Variants in OVCH1 observed in about 807,000 individuals in gnomAD.
OVCH1 encodes ovochymase 1.
OVCH1 carries 139 observed loss-of-function variants against 138.4 expected under a neutral mutation model. The observed-to-expected ratio is 1.00, with a 90% CI of 0.87 to 1.16. The LOEUF is 1.16. Ranked by LOEUF, OVCH1 falls within the 50% of genes most tolerant of loss-of-function variation. The pLI is 0.00. For missense variants in OVCH1, 1,367 were observed against 1,357.9 expected, an observed-to-expected ratio of 1.01 and a Z score of -0.11; for synonymous variants, 453 against 467.8, an observed-to-expected ratio of 0.97 and a Z score of 0.41.
chr12:29,425,556 AAC>A (rs1941166902), downstream of OVCH1, among the ~76,000 whole-genome samples: 1 of 152,234 alleles, frequency 6.6e-6, no homozygotes, highest in South Asian at 2.1e-4. Flanking sequence ...AGTGGCCAAG[AAC>A]ACAGAGTGCT....
chr12:29,465,742 T>A (rs1293103691), intron 16 of OVCH1, among the ~76,000 whole-genome samples: 1 of 152,086 alleles, frequency 6.6e-6, no homozygotes, highest in Non-Finnish European at 1.5e-5. Context: ...CCTTGCCAAA[T>A]ATCACCAAAG....
downstream of OVCH1, among the ~76,000 whole-genome samples, chr12:29,411,462 G>C (rs1288783455): frequency 6.6e-6 from 1 of 151,850 alleles, no homozygotes; most frequent in Non-Finnish European, 1.5e-5. Context: ...TGATGATGGG[G>C]ATGTACAGAT....
At chr12:29,489,826 A>G in intron 5 of OVCH1, 55 bp from the exon 6 acceptor site, 1 of 1,534,976 alleles carries the variant, frequency 6.5e-7, no homozygotes. Flanking sequence ...AAACAAATTA[A>G]TGGGAAGTCT....
intron 16 of OVCH1, among the ~76,000 whole-genome samples, chr12:29,470,617 A>G (rs980734920): frequency 6.6e-5 from 10 of 152,154 alleles, no homozygotes; most frequent in African/African-American, 2.4e-4. Flanking sequence ...CCAATCTATC[A>G]TTGATGGGCG....
chr12:29,486,544 G>A (rs140822167), intron 7 of OVCH1, among the ~76,000 whole-genome samples, 196 bp from the exon 8 acceptor site: 1 of 152,298 alleles, frequency 6.6e-6, no homozygotes, highest in East Asian at 1.9e-4. Context: ...AGCAGGAATT[G>A]ATTTGATTTG....
intron 19 of OVCH1, among the ~76,000 whole-genome samples, chr12:29,460,699 G>A (rs886777134): frequency 1.3e-5 from 2 of 151,886 alleles, no homozygotes; most frequent in Non-Finnish European, 2.9e-5. Context: ...GCAGGATTAA[G>A]CATTAGGCCC....
intron 23 of OVCH1, among the ~76,000 whole-genome samples, chr12:29,444,947 C>G (rs1164439860): frequency 1.3e-5 from 2 of 151,944 alleles, no homozygotes; most frequent in Admixed American, 1.3e-4. Context: ...ATTTAGAACC[C>G]AAATCTTCTG....
At chr12:29,451,439 A>T in exon 22 of OVCH1, 1 of 1,613,338 alleles carries the variant, frequency 6.2e-7, no homozygotes, top group Non-Finnish European at 8.5e-7. Context: ...ACTCAATGGT[A>T]AATTTTGCCA....
chr12:29,487,289 C>G (rs547238369), intron 7 of OVCH1: 4 of 170,192 alleles, frequency 2.4e-5, no homozygotes, highest in Non-Finnish European at 3.8e-5. Context: ...CCAAGGCCTC[C>G]CTCATTTTTT....
chr12:29,461,915 C>G (rs1300342972), exon 19 of OVCH1: 2 of 1,613,826 alleles, frequency 1.2e-6, no homozygotes, highest in African/African-American at 1.3e-5. Flanking sequence ...CTCTGTGATC[C>G]CTCCTGGATG....
At chr12:29,456,088 C>T (rs1455494787) in intron 19 of OVCH1, among the ~76,000 whole-genome samples, 1 of 152,134 alleles carries the variant, frequency 6.6e-6, no homozygotes, top group African/African-American at 2.4e-5. Context: ...ACCAAAGTTG[C>T]ACAATTTCAA....
intron 14 of OVCH1, among the ~76,000 whole-genome samples, chr12:29,474,074 T>TACAC (rs146655743): frequency 0.045 from 6,577 of 145,210 alleles, 171 homozygotes; most frequent in African/African-American, 0.075. Flanking sequence ...CACACACACA[T>TACAC]ACACACACAC....
intron 25 of OVCH1, among the ~76,000 whole-genome samples, 198 bp downstream of exon 26, chr12:29,439,655 T>G (rs1393570330): frequency 6.6e-6 from 1 of 152,100 alleles, no homozygotes; most frequent in African/African-American, 2.4e-5. Context: ...TTATCTACCT[T>G]GGGTTAGCAC....
chr12:29,487,781 G>A (rs756268256), exon 7 of OVCH1: 14 of 1,606,078 alleles, frequency 8.7e-6, no homozygotes, highest in Admixed American at 3.4e-5. Context: ...TGTTTCTTAC[G>A]GGAACTGAAC....
rs1484073705 is a variant in OVCH1, at chr12:29,493,604, A to G, written c.454+1681T>C. Among the ~76,000 whole-genome samples the G allele has an allele frequency of 3.9e-5, 6 of 152,248 alleles. No individual in the cohort carries two copies. The East Asian group carries it at 5.8e-4, about 15-fold the overall frequency. ...TATTTCAGATTGTCTAGTTCCATACACCTAATCTAACCTGGTAGATAAATA... is the reference window on the plus strand; with the variant it reads ...TATTTCAGATTGTCTAGTTCCATACGCCTAATCTAACCTGGTAGATAAATA... On this transcript the variant is annotated intron_variant, in intron 4 of 27. Coordinates refer to ENST00000318184, the Ensembl canonical transcript of OVCH1.
chr12:29,448,318 G>A (rs1003078382), intron 22 of OVCH1, among the ~76,000 whole-genome samples: 7 of 151,406 alleles, frequency 4.6e-5, no homozygotes, highest in South Asian at 2.1e-4. Context: ...AGTGGTCTGC[G>A]GCCCGGGGGT....
chr12:29,475,032 G>A (rs1411285167), intron 14 of OVCH1, 29 bp downstream of exon 14: 2 of 1,565,222 alleles, frequency 1.3e-6, no homozygotes, highest in Middle Eastern at 1.7e-4. Flanking sequence ...ATAAACAAAA[G>A]TCCTTATTAC....
At chr12:29,475,520 C>T (rs1942675885) in intron 13 of OVCH1, among the ~76,000 whole-genome samples, 2 of 151,746 alleles carry the variant, frequency 1.3e-5, no homozygotes, top group South Asian at 4.2e-4. Context: ...CCAAAGAGGA[C>T]ATAAGCATAC....
At chr12:29,477,409 A>G (rs1565601981) in exon 11 of OVCH1, 1 of 1,613,992 alleles carries the variant, frequency 6.2e-7, no homozygotes. Flanking sequence ...TGTATCAGAA[A>G]CAAATGGAAC....
Sources: gnomAD v4.1 joint callset for allele counts (sites outside exome capture counted in the v4.1 genomes callset) on GRCh38, gnomAD v4.1.1 for gene constraint, MANE v1.5 for transcripts, NCBI Gene and HGNC (gene_info 2026-07-23, HGNC 2026-07-21) for gene names.